The following AARD variants were observed in gnomAD, a reference collection of about 807,000 sequenced individuals.
The protein encoded by AARD is alanine and arginine rich domain containing protein, also known as alanine- and arginine-rich domain-containing protein.
Under a neutral mutation model 9.3 loss-of-function variants are expected in AARD, and 9 were observed. The observed-to-expected ratio is 0.97, with a 90% CI of 0.58 to 1.69. The LOEUF is 1.69. Ranked by LOEUF, AARD falls within the 40% of genes most tolerant of loss-of-function variation. AARD has a pLI of 0.00. For synonymous variants in AARD, 91 were observed against 93.8 expected (o/e 0.97, Z 0.17); for missense variants, 236 against 210.3 (o/e 1.12, Z -0.76).
chr8:116,941,224 C>A (rs572139691), intron 1 of AARD, among the ~76,000 whole-genome samples: 2 of 152,290 alleles, frequency 1.3e-5, no homozygotes, highest in South Asian at 4.1e-4. Context: ...TGTGGATGCA[C>A]AGATGAGAGG....
Position 116,942,635 on chromosome 8 carries a change from G to T in AARD, c.402G>T (p.Lys134Asn). Residue 134 changes from lysine to asparagine, a missense_variant, in exon 2 of 2, where the codon AAG becomes AAT. Lys to Asn is a moderately conservative substitution (Grantham distance 94). Coordinates refer to ENST00000378279, the MANE Select transcript of AARD (RefSeq NM_001025357.3). ...DLNMKVQQLK[K>N]EYELEITSDS... ...ACATGAAAGTGCAGCAATTGAAAAA[G>T]GAGTATGAACTGGAAATTACATCAG... 1 of 1,613,944 alleles carries T rather than the reference G, an allele frequency of 6.2e-7. No individual in the cohort carries two copies. The highest frequency in any genetic ancestry group is 8.5e-7 in the Non-Finnish European group (1 of 1,179,962).
intron 1 of AARD, 169 bp downstream of exon 1, chr8:116,938,736 G>GA: frequency 9.7e-7 from 1 of 1,025,972 alleles, no homozygotes; most frequent in Non-Finnish European, 1.3e-6. Flanking sequence ...AAGGAAAAGG[G>GA]CCCTGCAGGA....
At chr8:116,938,758 G>A (rs751670765) in intron 1 of AARD, 191 bp downstream of exon 1, 125 of 807,352 alleles carry the variant, frequency 1.5e-4, no homozygotes, top group Admixed American at 6.2e-4. Context: ...CCATGGTGGG[G>A]GGTGGGGGCG....
At position 116,943,017 on chromosome 8, in the gene AARD, A is replaced by G. The variant is rs1381309616; in HGVS notation, c.*316A>G. The G allele has an allele frequency of 5.9e-6, 1 of 170,454 alleles. No individual in the cohort carries two copies. Among genetic ancestry groups the G allele is most frequent in the African/African-American group, 2.4e-5 (1 of 42,006 alleles). The allele number at this position is 170,454 out of a possible 1,614,324, so 10.6% of individuals were successfully genotyped here. On this transcript the variant is annotated 3_prime_UTR_variant, in exon 2 of 2. Transcript: ENST00000378279. ...TCCATCTCAAAAAAAAAAAAAAAAA[A>G]AAAAGCACACGCGAAGCTCTGGATC...
In AARD at chr8:116,938,345, C is replaced by A. The variant is rs1813696739; in HGVS notation, c.102C>A (p.Cys34Ter). Residue 34 changes from cysteine (C) to a stop codon, truncating the protein, a stop_gained, in exon 1 of 2, where the codon TGC becomes TGA. Transcript: ENST00000378279. LOFTEE classifies it high-confidence loss of function. Reference sequence around the variant, plus strand: ...TTTGGTTCCCACCTCGTCCCGCGTGCGACTTCTTCGGGGACGGCAGGAGCA... The same window carrying A: ...TTTGGTTCCCACCTCGTCCCGCGTGAGACTTCTTCGGGGACGGCAGGAGCA... ...AELWFPPRPA[C>*]DFFGDGRSTD... 7 of 1,612,974 alleles carry A rather than the reference C, an allele frequency of 4.3e-6. No individual in the cohort carries two copies. The East Asian group carries it at 1.6e-4, about 36-fold the overall frequency.
intron 1 of AARD, among the ~76,000 whole-genome samples, chr8:116,940,853 C>T (rs977615300): frequency 2.6e-5 from 4 of 152,076 alleles, no homozygotes; most frequent in African/African-American, 9.7e-5. Context: ...AGAGAGGGTT[C>T]ATAACTTTCA....
chr8:116,938,485 A>C lies in AARD; in HGVS notation c.242A>C (p.Glu81Ala). The part of the protein sequence containing the change: ...VQRAISRRVQ[E>A]AAAAAAAREE... ...CGCGCGATCTCGAGGCGCGTGCAGGAGGCGGCGGCGGCGGCGGCGGCGCGG... is the reference window on the plus strand; with the variant it reads ...CGCGCGATCTCGAGGCGCGTGCAGGCGGCGGCGGCGGCGGCGGCGGCGCGG... The change falls in exon 1 of 2, where the codon GAG (glutamate) becomes GCG (alanine). Residue 81 changes from glutamate (E) to alanine (A), a missense_variant. Transcript: ENST00000378279. 5 of 1,559,038 alleles carry C rather than the reference A, an allele frequency of 3.2e-6. No individual in the cohort carries two copies. Among genetic ancestry groups the C allele is most frequent in the South Asian group, 2.3e-5 (2 of 85,560 alleles).
Position 116,938,478 on chromosome 8 carries a change from G to T in AARD, c.235G>T (p.Val79Leu). Residue 79 changes from valine to leucine, a missense_variant, in exon 1 of 2, where the codon GTG becomes TTG. By Grantham distance (32) the Val-to-Leu change is conservative. Coordinates refer to ENST00000378279, the MANE Select transcript of AARD (RefSeq NM_001025357.3). The part of the protein sequence containing the change: ...WAVQRAISRR[V>L]QEAAAAAAAR... ...GGTGCAGCGCGCGATCTCGAGGCGC[G>T]TGCAGGAGGCGGCGGCGGCGGCGGC... 6.3e-7 allele frequency: 1 copy of T among 1,576,800 alleles called. No homozygotes were observed.
chr8:116,942,592 G>C lies in AARD; in HGVS notation c.359G>C (p.Arg120Thr). Residue 120 changes from arginine to threonine, a missense_variant, in exon 2 of 2, where the codon AGA becomes ACA. Arg to Thr is a moderately conservative substitution (Grantham distance 71, BLOSUM62 -1). Coordinates refer to ENST00000378279, the MANE Select transcript of AARD (RefSeq NM_001025357.3). ...CATTTCCAAAACCACCAGCTGGCTA[G>C]AACTTTACTGGACCTAAACATGAAA... The part of the protein sequence containing the change: ...EMHFQNHQLA[R>T]TLLDLNMKVQ... 8 of 1,613,588 alleles carry C rather than the reference G, an allele frequency of 5.0e-6. No homozygotes were observed. Among genetic ancestry groups the C allele is most frequent in the Non-Finnish European group, 6.8e-6 (8 of 1,179,752 alleles).
rs1813767459 is a variant in AARD at position 116,943,266 on chromosome 8, CTCTG to C, written c.*569_*572del. 6.6e-6 allele frequency: 1 copy of C among 152,176 alleles called. No individual in the cohort carries two copies. Among genetic ancestry groups the C allele is most frequent in the African/African-American group, 2.4e-5 (1 of 41,448 alleles). 9.4% of individuals were successfully genotyped at this position (152,176 alleles called of 1,614,324 possible). On this transcript the variant is annotated 3_prime_UTR_variant, in exon 2 of 2. Transcript: ENST00000378279. ...AAAATATAACTATAGATAAATCTCT[CTCTG>C]TCTCTCTCACTCAAAGAATGCTTTA...
At chr8:116,941,606 G>GA (rs1813745965) in intron 1 of AARD, among the ~76,000 whole-genome samples, 1 of 152,212 alleles carries the variant, frequency 6.6e-6, no homozygotes, top group Non-Finnish European at 1.5e-5. Flanking sequence ...CTTGCTGTCA[G>GA]AAAAATGATT....
At chr8:116,940,620 C>T (rs1006415291) in intron 1 of AARD, among the ~76,000 whole-genome samples, 9 of 152,088 alleles carry the variant, frequency 5.9e-5, no homozygotes, top group African/African-American at 2.2e-4. Flanking sequence ...GACATATATT[C>T]CTATACAAGT....
Position 116,938,485 on chromosome 8 carries a change from A to G in AARD, c.242A>G (p.Glu81Gly), listed in dbSNP as rs1813701226. ...CGCGCGATCTCGAGGCGCGTGCAGG[A>G]GGCGGCGGCGGCGGCGGCGGCGCGG... is the stretch of plus-strand genomic sequence containing the variant. ...VQRAISRRVQ[E>G]AAAAAAAREE... Residue 81 changes from glutamate to glycine, a missense_variant, in exon 1 of 2, where the codon GAG becomes GGG. Glu to Gly is a moderately conservative substitution (Grantham distance 98). Transcript: ENST00000378279. The G allele has an allele frequency of 6.4e-7, 1 of 1,559,038 alleles. No individual in the cohort carries two copies. Among genetic ancestry groups the G allele is most frequent in the Non-Finnish European group, 8.7e-7 (1 of 1,155,612 alleles).
intron 1 of AARD, among the ~76,000 whole-genome samples, chr8:116,939,724 T>C (rs1813722955): frequency 6.6e-6 from 1 of 152,260 alleles, no homozygotes; most frequent in African/African-American, 2.4e-5. Context: ...TTTACTATCT[T>C]ATCCAACAAT....
At position 116,941,501 on chromosome 8, in the gene AARD, G is replaced by A. The variant is rs117019671; in HGVS notation, c.325-1057G>A. On this transcript the variant is annotated intron_variant, in intron 1 of 1. Transcript: ENST00000378279. Reference sequence around the variant, plus strand: ...CCACCCTAGAGAGCTGAAGCTTCCTGCAGGCAAGGTGCAAGGGTTTTTTGT... The same window carrying A: ...CCACCCTAGAGAGCTGAAGCTTCCTACAGGCAAGGTGCAAGGGTTTTTTGT... 9.1e-3 allele frequency among the ~76,000 whole-genome samples: 1,386 copies of A among 152,282 alleles called. 10 individuals are homozygous for A. The highest frequency in any genetic ancestry group is 0.014 in the Non-Finnish European group (971 of 68,026).
At chr8:116,939,467 A>G (rs1001273251) in intron 1 of AARD, among the ~76,000 whole-genome samples, 1 of 152,174 alleles carries the variant, frequency 6.6e-6, no homozygotes, top group African/African-American at 2.4e-5. Context: ...TCCTGTCTCT[A>G]CTAAAAATAC....
chr8:116,942,211 CATAAAG>C (rs1310082034), intron 1 of AARD, among the ~76,000 whole-genome samples: 3 of 152,170 alleles, frequency 2.0e-5, no homozygotes, highest in African/African-American at 7.2e-5. Context: ...TCAGAAGGCG[CATAAAG>C]ATAAATGATT....
rs111477672 is a variant in AARD, at chr8:116,938,519, G to A, written c.276G>A (p.Gln92=). 2.6e-5 allele frequency: 39 copies of A among 1,499,380 alleles called. No individual in the cohort carries two copies. The highest frequency in any genetic ancestry group is 3.4e-5 in the Non-Finnish European group (39 of 1,133,002). The allele number at this position is 1,499,380 out of a possible 1,614,324, so 92.9% of individuals were successfully genotyped here. Residue 92 remains glutamine (Q), a synonymous_variant, in exon 1 of 2, where the codon CAG becomes CAA. Transcript: ENST00000378279. ...CGGCGGCGGCGGCGCGGGAGGAGCA[G>A]AGCTGGACGGGCGTTGAGGCCACCC... The part of the protein sequence containing the change: ...AAAAAAAREE[Q]SWTGVEATLA...
chr8:116,942,586 T>C lies in AARD; in HGVS notation c.353T>C (p.Leu118Pro). ...GAAATGCATTTCCAAAACCACCAGC[T>C]GGCTAGAACTTTACTGGACCTAAAC... ...LVEMHFQNHQ[L>P]ARTLLDLNMK... Residue 118 changes from leucine to proline, a missense_variant, in exon 2 of 2, where the codon CTG becomes CCG. Physicochemically the swap from Leu to Pro is moderately conservative, Grantham distance 98 (BLOSUM62 -3). Transcript: ENST00000378279. 3 of 1,612,810 alleles carry C rather than the reference T, an allele frequency of 1.9e-6. No homozygotes were observed. The highest frequency in any genetic ancestry group is 2.5e-6 in the Non-Finnish European group (3 of 1,179,310).
Sources: gnomAD v4.1 joint callset for allele counts (sites outside exome capture counted in the v4.1 genomes callset) on GRCh38, gnomAD v4.1.1 for gene constraint, MANE v1.5 for transcripts, NCBI Gene and HGNC (gene_info 2026-07-23, HGNC 2026-07-21) for gene names.